CDK13: variants seen among roughly 807,000 people sequenced by gnomAD.
CDK13 encodes cyclin-dependent kinase 13.
A neutral mutation model predicts 137.6 loss-of-function variants in CDK13; 40 were observed. The ratio of observed to expected loss-of-function variants is 0.29; its 90% CI spans 0.23 to 0.38. The LOEUF (loss-of-function observed/expected upper bound fraction) is 0.38. Among genes scored for constraint, CDK13 ranks in the 10% least tolerant of loss-of-function variants. The probability of loss-of-function intolerance (pLI) is 1.00; values close to 1 mark genes in which losing one functional copy is unlikely to be tolerated. For missense variants in CDK13, 1,704 were observed against 1,951.8 expected (o/e 0.87, Z 2.39); for synonymous variants, 869 against 760.1 (o/e 1.14, Z -2.36).
rs77397559 is a variant in CDK13 at position 39,993,362 on chromosome 7, C to T, written c.1872-4132C>T. ...TACTCTTTTTTACCCTCACATTGTCCGAAATTTGGCCAGTGGAAGCTCCTA... is the reference window on the plus strand; with the variant it reads ...TACTCTTTTTTACCCTCACATTGTCTGAAATTTGGCCAGTGGAAGCTCCTA... On this transcript the variant is annotated intron_variant, in intron 2 of 13. Coordinates refer to ENST00000181839, the MANE Select transcript of CDK13 (RefSeq NM_003718.5). 4.7e-4 allele frequency among the ~76,000 whole-genome samples: 72 copies of T among 152,106 alleles called. 2 individuals carry two copies. The East Asian group carries it at 0.013, about 27-fold the overall frequency.
intron 1 of CDK13, among the ~76,000 whole-genome samples, chr7:39,981,884 C>T (rs6970705): frequency 0.35 from 52,022 of 149,564 alleles, 10,230 homozygotes; most frequent in East Asian, 0.51. Context: ...CTCTGCCTCC[C>T]GGGTTCATGC....
rs1238512093 is a variant in CDK13 at position 40,097,450 on chromosome 7, T to G, written c.*2470T>G. ...ATAGTAAAAAATTTTAATGCTTCCC[T>G]TCATAGCATTTAATATTTTAATTCA... is the stretch of plus-strand genomic sequence containing the variant. On this transcript the variant is annotated 3_prime_UTR_variant, in exon 14 of 14. Transcript: ENST00000181839. 6.6e-6 allele frequency: 1 copy of G among 152,116 alleles called. No homozygotes were observed. The highest frequency in any genetic ancestry group is 2.4e-5 in the African/African-American group (1 of 41,444). 9.4% of individuals were successfully genotyped at this position (152,116 alleles called of 1,614,324 possible).
At chr7:39,979,216 C>CTTTTTTTTTTTTTT (rs71560152) in intron 1 of CDK13, among the ~76,000 whole-genome samples, 19 of 130,852 alleles carry the variant, frequency 1.5e-4, no homozygotes, top group African/African-American at 3.4e-4. Flanking sequence ...TCTTTTTTTT[C>CTTTTTTTTTTTTTT]TTTTTTTTTT....
rs1331864893 is a variant in CDK13 at position 39,951,185 on chromosome 7, GCCT to G, written c.553_555del (p.Ser185del). On this transcript the variant is annotated inframe_deletion, in exon 1 of 14. Coordinates refer to ENST00000181839, the MANE Select transcript of CDK13 (RefSeq NM_003718.5). Reference sequence around the variant, plus strand: ...AACGGGGGGCAGCGGCGGGAGTCCGGCCTCCTCCTCCGGCACCCAGCGGCGCGG... The same window carrying G: ...AACGGGGGGCAGCGGCGGGAGTCCGGCCTCCTCCGGCACCCAGCGGCGCGG... The G allele has an allele frequency of 8.8e-6, 11 of 1,246,646 alleles. No homozygotes were observed. Among genetic ancestry groups the G allele is most frequent in the African/African-American group, 1.6e-5 (1 of 64,264 alleles). The allele number at this position is 1,246,646 out of a possible 1,614,324, so 77.2% of individuals were successfully genotyped here. A position where few individuals can be genotyped will look rare whatever the true frequency, so the allele number is the denominator to read the frequency against.
At chr7:39,977,029 G>C (rs1291310861) in intron 1 of CDK13, among the ~76,000 whole-genome samples, 4 of 152,154 alleles carry the variant, frequency 2.6e-5, no homozygotes, top group Non-Finnish European at 5.9e-5. Context: ...CATAAGAAGG[G>C]TGCAGATAAA....
chr7:40,066,035 CAAACAA>C (rs1012483213), intron 9 of CDK13, among the ~76,000 whole-genome samples: 4 of 152,022 alleles, frequency 2.6e-5, no homozygotes, highest in Non-Finnish European at 5.9e-5. Flanking sequence ...TTAAAACAAA[CAAACAA>C]AAACAACAAC....
chr7:39,972,582 C>T (rs1000182538), intron 1 of CDK13, among the ~76,000 whole-genome samples: 1 of 152,184 alleles, frequency 6.6e-6, no homozygotes, highest in Non-Finnish European at 1.5e-5. Context: ...AATGTATGAT[C>T]TTTTATGGCT....
At chr7:40,008,854 A>C (rs1163159748) in intron 5 of CDK13, among the ~76,000 whole-genome samples, 1 of 152,208 alleles carries the variant, frequency 6.6e-6, no homozygotes, top group African/African-American at 2.4e-5. Flanking sequence ...CTTACAAAAT[A>C]GTCTGCGTTC....
intron 5 of CDK13, among the ~76,000 whole-genome samples, chr7:40,016,371 G>A (rs1031472283): frequency 6.6e-6 from 1 of 152,162 alleles, no homozygotes; most frequent in Non-Finnish European, 1.5e-5. Flanking sequence ...GAGACAATAT[G>A]TGAAGTATTT....
At chr7:40,027,206 G>C (rs770268827) in intron 5 of CDK13, among the ~76,000 whole-genome samples, 2 of 152,222 alleles carry the variant, frequency 1.3e-5, no homozygotes, top group South Asian at 4.1e-4. Flanking sequence ...TTTGCTGGAC[G>C]TGGTGGCGTG....
At position 40,045,840 on chromosome 7, in the gene CDK13, A is replaced by G. The variant is rs373180843; in HGVS notation, c.2358A>G (p.Ala786=). The G allele has an allele frequency of 8.1e-6, 13 of 1,600,592 alleles. No homozygotes were observed. The highest frequency in any genetic ancestry group is 1.1e-5 in the Non-Finnish European group (13 of 1,171,548). ...ATTAATTATTCTCATTCTTAGGTGC[A>G]TTTTATCTGGTGTTTGAATATATGG... is the stretch of plus-strand genomic sequence containing the variant. ...DALDFKKDKG[A]FYLVFEYMDH... The change falls in exon 6 of 14, where the codon GCA becomes GCG. Residue 786 remains alanine, a synonymous_variant. Transcript: ENST00000181839.
At chr7:40,051,806 A>C (rs541707493) in intron 7 of CDK13, among the ~76,000 whole-genome samples, 1 of 152,308 alleles carries the variant, frequency 6.6e-6, no homozygotes, top group African/African-American at 2.4e-5. Flanking sequence ...AAAGAAAGAG[A>C]ACCACTGGAT....
At chr7:40,057,756 TA>T (rs1486813701) in intron 7 of CDK13, among the ~76,000 whole-genome samples, 1 of 152,222 alleles carries the variant, frequency 6.6e-6, no homozygotes, top group Non-Finnish European at 1.5e-5. Flanking sequence ...CAGCTGATCT[TA>T]GATGACAGCA....
chr7:40,078,693 C>T lies in CDK13; in HGVS notation c.2898-27C>T, dbSNP rs772615671. ...ATAAGCTTGTGTCTAAAGAACACAT[C>T]TAACTTTTGTAATCCTCTCATGCTA... On this transcript the variant is annotated intron_variant, in intron 10 of 13. Coordinates refer to ENST00000181839, the MANE Select transcript of CDK13 (RefSeq NM_003718.5). 10 of 1,413,818 alleles carry T rather than the reference C, an allele frequency of 7.1e-6. No individual in the cohort carries two copies. In the East Asian group the frequency reaches 2.7e-4, roughly 38 times the overall value. 87.6% of individuals were successfully genotyped at this position (1,413,818 alleles called of 1,614,324 possible).
intron 5 of CDK13, among the ~76,000 whole-genome samples, chr7:40,018,114 A>G (rs1003508390): frequency 1.3e-5 from 2 of 152,002 alleles, no homozygotes; most frequent in African/African-American, 4.8e-5. Flanking sequence ...TTTTAGATGG[A>G]TATGAGGTCT....
At chr7:39,951,957 CCGAGA>C in intron 1 of CDK13, 105 bp downstream of exon 1, 2 of 1,199,784 alleles carry the variant, frequency 1.7e-6, no homozygotes, top group Non-Finnish European at 2.1e-6. Context: ...AGGTCCACCA[CCGAGA>C]CGAGACAACA....
intron 1 of CDK13, among the ~76,000 whole-genome samples, chr7:39,987,315 A>G (rs944856661): frequency 6.6e-6 from 1 of 152,040 alleles, no homozygotes; most frequent in South Asian, 2.1e-4. Flanking sequence ...CTTATTGCCT[A>G]CTTCTTTTTT....
chr7:40,041,178 T>C (rs962625794), intron 5 of CDK13, among the ~76,000 whole-genome samples: 3 of 152,046 alleles, frequency 2.0e-5, no homozygotes, highest in African/African-American at 7.2e-5. Flanking sequence ...ATACAAAAAT[T>C]AGCCAGGAGT....
chr7:40,017,076 G>A (rs1037519237), intron 5 of CDK13, among the ~76,000 whole-genome samples: 6 of 152,014 alleles, frequency 3.9e-5, no homozygotes, highest in South Asian at 4.2e-4. Flanking sequence ...CAAAATTGAG[G>A]CATTAATATG....
Sources: allele counts gnomAD v4.1 joint callset (sites outside exome capture counted in the v4.1 genomes callset), GRCh38; gene constraint gnomAD v4.1.1; transcripts MANE v1.5; gene names NCBI Gene and HGNC (gene_info 2026-07-23, HGNC 2026-07-21).